The following MYO9A variants were observed in gnomAD, a reference collection of about 807,000 sequenced individuals.
The protein encoded by MYO9A is myosin IXA.
Under a neutral mutation model 293.3 loss-of-function variants are expected in MYO9A, and 103 were observed. That is an observed-to-expected ratio of 0.35 (90% CI 0.30 to 0.41). The LOEUF (loss-of-function observed/expected upper bound fraction) is 0.41, where lower values mean the gene tolerates loss of function less well. MYO9A is among the 10% of genes least tolerant of loss of function. The pLI is 1.00. For synonymous variants in MYO9A, 1,001 were observed against 1,035.7 expected (o/e 0.97, Z 0.64); for missense variants, 2,685 against 3,033.0 (o/e 0.89, Z 2.69).
chr15:71,844,757 C>G (rs2055310745), intron 39 of MYO9A, among the ~76,000 whole-genome samples: 1 of 152,144 alleles, frequency 6.6e-6, no homozygotes. Context: ...AAATTAAATA[C>G]TATAAATCGA....
intron 9 of MYO9A, among the ~76,000 whole-genome samples, chr15:71,995,049 T>G (rs977336362): frequency 6.6e-6 from 1 of 152,300 alleles, no homozygotes; most frequent in East Asian, 1.9e-4. Context: ...GTTTTCCACA[T>G]GTACTCATTC....
chr15:72,016,686 G>A (rs1370077122), intron 6 of MYO9A, among the ~76,000 whole-genome samples: 1 of 152,022 alleles, frequency 6.6e-6, no homozygotes, highest in Non-Finnish European at 1.5e-5. Flanking sequence ...ATTAACATAA[G>A]AAAAACAATC....
At chr15:71,923,058 C>T (rs1454504581) in intron 18 of MYO9A, among the ~76,000 whole-genome samples, 1 of 152,066 alleles carries the variant, frequency 6.6e-6, no homozygotes, top group Non-Finnish European at 1.5e-5. Context: ...TACATCTGTT[C>T]TGTCTATATC....
In MYO9A at chr15:71,978,280, T is replaced by C. The variant is rs1419893018; in HGVS notation, c.1735A>G (p.Thr579Ala). ...IFKLEQEEYR[T>A]EGISWHNIDY... The stretch of plus-strand genomic sequence containing the variant: ...ATGTTGTGCCAGCTGATACCTTCAG[T>C]TCTATATTCCTCCTAGAAAAACCAA... Residue 579 changes from threonine to alanine, a missense_variant, in exon 12 of 42, where the codon ACT (threonine) becomes GCT (alanine). Physicochemically the swap from Thr to Ala is moderately conservative, Grantham distance 58. Transcript: ENST00000356056. 5.0e-6 allele frequency: 8 copies of C among 1,604,966 alleles called. No homozygotes were observed. Among genetic ancestry groups the C allele is most frequent in the Non-Finnish European group, 5.9e-6 (7 of 1,177,160 alleles).
intron 15 of MYO9A, among the ~76,000 whole-genome samples, chr15:71,942,553 C>T (rs1368101725): frequency 6.6e-6 from 1 of 151,894 alleles, no homozygotes; most frequent in Non-Finnish European, 1.5e-5. Context: ...CTATTATATG[C>T]TTTCATCCAG....
At chr15:72,027,368 A>G (rs936398186) in intron 4 of MYO9A, among the ~76,000 whole-genome samples, 8 of 152,222 alleles carry the variant, frequency 5.3e-5, no homozygotes, top group African/African-American at 1.9e-4. Context: ...AAAGACCTGT[A>G]TACCTCAAGT....
At chr15:71,856,958 G>A (rs2141535360) in intron 34 of MYO9A, among the ~76,000 whole-genome samples, 1 of 152,196 alleles carries the variant, frequency 6.6e-6, no homozygotes, top group Non-Finnish European at 1.5e-5. Context: ...TGACAACCTG[G>A]TATACGTCAA....
At chr15:71,846,174 A>G in intron 39 of MYO9A, among the ~76,000 whole-genome samples, 1 of 152,222 alleles carries the variant, frequency 6.6e-6, no homozygotes, top group East Asian at 1.9e-4. Flanking sequence ...CAGAAATGAG[A>G]TAGAACTGAG....
chr15:72,048,231 C>T (rs2078449996), intron 1 of MYO9A, among the ~76,000 whole-genome samples: 1 of 151,636 alleles, frequency 6.6e-6, no homozygotes, highest in Admixed American at 6.6e-5. Context: ...GAAACCCTGT[C>T]TGTACTAAAA....
intron 25 of MYO9A, among the ~76,000 whole-genome samples, chr15:71,895,474 AT>A (rs1472433082): frequency 4.6e-5 from 7 of 152,200 alleles, no homozygotes; most frequent in Admixed American, 2.0e-4. Context: ...ATCCTTAATG[AT>A]GAAATGCAAG....
intron 27 of MYO9A, among the ~76,000 whole-genome samples, chr15:71,885,215 A>AAACATGTGC (rs1460301652): frequency 1.3e-5 from 2 of 152,128 alleles, no homozygotes; most frequent in Non-Finnish European, 2.9e-5. Flanking sequence ...TCCTAACCAT[A>AAACATGTGC]AACATGTGCC....
rs925316684 is a variant in MYO9A, at chr15:71,826,261, C to T, written c.*319G>A. 2 of 269,204 alleles carry T rather than the reference C, an allele frequency of 7.4e-6. No homozygotes were observed. The highest frequency in any genetic ancestry group is 7.4e-5 in the East Asian group (1 of 13,560). The allele number at this position is 269,204 out of a possible 1,614,324, so 16.7% of individuals were successfully genotyped here. A position where few individuals can be genotyped will look rare whatever the true frequency, so the allele number is the denominator to read the frequency against. On this transcript the variant is annotated 3_prime_UTR_variant, in exon 42 of 42. Coordinates refer to ENST00000356056, the MANE Select transcript of MYO9A (RefSeq NM_006901.4). The stretch of plus-strand genomic sequence containing the variant: ...GACAGCAATATCCCCCCTAGTTCAA[C>T]ACCCACCTTTGGGAAGGGAAAAGAG...
chr15:71,910,144 G>A (rs1292145661), intron 19 of MYO9A, among the ~76,000 whole-genome samples: 5 of 105,722 alleles, frequency 4.7e-5, no homozygotes, highest in African/African-American at 6.8e-5. Context: ...ATATATATAC[G>A]TGTGTGTGTA....
At chr15:71,884,375 T>C (rs1469563931) in intron 27 of MYO9A, among the ~76,000 whole-genome samples, 4 of 152,200 alleles carry the variant, frequency 2.6e-5, no homozygotes, top group Non-Finnish European at 4.4e-5. Context: ...AGCCACTTAT[T>C]TGAACTTGTA....
chr15:71,939,293 T>C (rs181059235), intron 15 of MYO9A, among the ~76,000 whole-genome samples: 14 of 152,306 alleles, frequency 9.2e-5, no homozygotes, highest in Admixed American at 3.3e-4. Flanking sequence ...GTTGTGCAGA[T>C]TATTTCACCC....
rs770973738 is a variant in MYO9A at position 71,875,843 on chromosome 15, CA to C, written c.5932-6del. 30 of 1,365,944 alleles carry C rather than the reference CA, an allele frequency of 2.2e-5. No homozygotes were observed. The highest frequency in any genetic ancestry group is 2.9e-6 in the Non-Finnish European group (3 of 1,051,312). The allele number at this position is 1,365,944 out of a possible 1,614,324, so 84.6% of individuals were successfully genotyped here. A position where few individuals can be genotyped will look rare whatever the true frequency, so the allele number is the denominator to read the frequency against. On this transcript the variant is annotated splice_polypyrimidine_tract_variant and splice_region_variant and intron_variant, in intron 31 of 41. Transcript: ENST00000356056. Reference sequence around the variant, plus strand: ...CTTTCTTTCTGTTTTTGGCACCTGACAGGGGGACAGGAGATATATGGAAATT... The same window carrying C: ...CTTTCTTTCTGTTTTTGGCACCTGACGGGGGACAGGAGATATATGGAAATT...
At chr15:71,990,810 T>G (rs1207671445) in intron 11 of MYO9A, among the ~76,000 whole-genome samples, 1 of 152,154 alleles carries the variant, frequency 6.6e-6, no homozygotes, top group East Asian at 1.9e-4. Flanking sequence ...CTCCACTCTT[T>G]TAGTAAAATA....
At chr15:72,013,028 G>A (rs2077220536) in intron 6 of MYO9A, among the ~76,000 whole-genome samples, 1 of 152,086 alleles carries the variant, frequency 6.6e-6, no homozygotes, top group Non-Finnish European at 1.5e-5. Context: ...GAAAAACTAA[G>A]GATAAATTAA....
chr15:71,978,197 C>T lies in MYO9A; in HGVS notation c.1818G>A (p.Leu606=). The part of the protein sequence containing the change: ...INLISKKPTG[L]LHLLDEESNF... ...TGCTTTCTTCATCCAAAAGATGAAG[C>T]AGTCCTGTTGGTTTTTTGCTAATAA... The change falls in exon 12 of 42, where the codon CTG becomes CTA. Residue 606 remains leucine, a synonymous_variant. Transcript: ENST00000356056. 1 of 1,612,562 alleles carries T rather than the reference C, an allele frequency of 6.2e-7. No homozygotes were observed. Among genetic ancestry groups the T allele is most frequent in the Non-Finnish European group, 8.5e-7 (1 of 1,179,476 alleles).
Sources: gnomAD v4.1 joint callset for allele counts (sites outside exome capture counted in the v4.1 genomes callset) on GRCh38, gnomAD v4.1.1 for gene constraint, MANE v1.5 for transcripts, NCBI Gene and HGNC (gene_info 2026-07-23, HGNC 2026-07-21) for gene names.